CIAO3: variants seen among roughly 807,000 people sequenced by gnomAD.
The protein encoded by CIAO3 is LET1 like/JFP15.
A neutral mutation model predicts 51.5 loss-of-function variants in CIAO3; 45 were observed. That is an observed-to-expected ratio of 0.87 (90% CI 0.69 to 1.12). CIAO3 has a LOEUF of 1.12. Among genes scored for constraint, CIAO3 ranks in the 50% most tolerant of loss-of-function variants. The probability of loss-of-function intolerance (pLI) is 0.00; values close to 1 mark genes in which losing one functional copy is unlikely to be tolerated. For missense variants in CIAO3, 668 were observed against 632.5 expected, an observed-to-expected ratio of 1.06 and a Z score of -0.60; for synonymous variants, 314 against 269.3, an observed-to-expected ratio of 1.17 and a Z score of -1.63.
intron 6 of CIAO3, chr16:733,647 G>A (rs913315736): frequency 3.2e-6 from 2 of 615,724 alleles, no homozygotes; most frequent in African/African-American, 3.7e-5. Context: ...CAGTGTGCCT[G>A]CGCTCCCTAA....
At chr16:738,443 G>A (rs1460213855) in intron 2 of CIAO3, 1 of 560,896 alleles carries the variant, frequency 1.8e-6, no homozygotes, top group African/African-American at 2.1e-5. Context: ...CCGCCTCCCA[G>A]GCTCACGCCA....
At chr16:734,126 G>T in intron 6 of CIAO3, 103 bp downstream of exon 6, 1 of 1,027,932 alleles carries the variant, frequency 9.7e-7, no homozygotes, top group Non-Finnish European at 1.5e-6. Flanking sequence ...AGGCCGCACA[G>T]CACAGCGAGG....
rs202243971 is a variant in CIAO3, at chr16:730,615, C to A, written c.1233G>T (p.Arg411Ser). ...CGTGCTGGAGGAGCTCTCTGCTGGG[C>A]CTGTCTGGGGCCTGGAGCTGGCCCC... is the stretch of plus-strand genomic sequence containing the variant. Reference protein sequence around the residue: ...NGGGQLQAPDRPSRELLQHVE... With the variant: ...NGGGQLQAPDSPSRELLQHVE... Residue 411 changes from arginine to serine, a missense_variant, in exon 11 of 11, where the codon AGG (arginine) becomes AGT (serine). Arg to Ser is a moderately radical substitution (Grantham distance 110, BLOSUM62 -1). Coordinates refer to ENST00000251588, the MANE Select transcript of CIAO3 (RefSeq NM_022493.3). 137 of 1,610,378 alleles carry A rather than the reference C, an allele frequency of 8.5e-5. No homozygotes were observed. Among genetic ancestry groups the A allele is most frequent in the Non-Finnish European group, 1.7e-6 (2 of 1,179,914 alleles).
At chr16:731,961 T>C (rs1194099711) in intron 8 of CIAO3, 3 of 533,252 alleles carry the variant, frequency 5.6e-6, no homozygotes, top group East Asian at 6.6e-5. Context: ...CTCCGCCTCC[T>C]GGGTTCAAGC....
chr16:737,799 C>CG lies in CIAO3; in HGVS notation c.163-471dup. Reference sequence around the variant, plus strand: ...GCCTGGGAGCCTGGCCTCCGGTGGGCGGGGCAGAAACAACCGTCAGACTCG... The same window carrying CG: ...GCCTGGGAGCCTGGCCTCCGGTGGGCGGGGGCAGAAACAACCGTCAGACTCG... On this transcript the variant is annotated intron_variant, in intron 2 of 10. Transcript: ENST00000251588. This position sits in a 1 kb window ranked among gnomAD's most constrained non-coding sequence, Gnocchi z 5.3. The CG allele has an allele frequency of 3.3e-6, 4 of 1,200,942 alleles. No individual in the cohort carries two copies. Among genetic ancestry groups the CG allele is most frequent in the Non-Finnish European group, 4.2e-6 (4 of 946,574 alleles). The allele number at this position is 1,200,942 out of a possible 1,614,324, so 74.4% of individuals were successfully genotyped here.
chr16:733,804 G>A (rs1257527362), intron 6 of CIAO3: 4 of 365,194 alleles, frequency 1.1e-5, no homozygotes, highest in African/African-American at 6.3e-5. Flanking sequence ...AGGTGCCGCA[G>A]GGGACATGGG....
rs545329028 is a variant in CIAO3, at chr16:729,931, C to A, written c.*486G>T. On this transcript the variant is annotated 3_prime_UTR_variant, in exon 11 of 11. Coordinates refer to ENST00000251588, the MANE Select transcript of CIAO3 (RefSeq NM_022493.3). ...GCTTTCCAGGGGCCTGGCACCCCCC[C>A]CTGCCAGGGTCCACACGCAGGGTTG... is the stretch of plus-strand genomic sequence containing the variant. 10 of 350,130 alleles carry A rather than the reference C, an allele frequency of 2.9e-5. No individual in the cohort carries two copies. Among genetic ancestry groups the A allele is most frequent in the Admixed American group, 4.7e-5 (1 of 21,280 alleles). The allele number at this position is 350,130 out of a possible 1,614,324, so 21.7% of individuals were successfully genotyped here. A position where few individuals can be genotyped will look rare whatever the true frequency, so the allele number is the denominator to read the frequency against.
At chr16:736,953 C>T (rs535597224) in intron 3 of CIAO3, 30 of 557,672 alleles carry the variant, frequency 5.4e-5, no homozygotes, top group African/African-American at 3.6e-4. Context: ...CGTGAGCCCC[C>T]GCGCCCAGTA....
chr16:730,695 C>T (rs2041266104), intron 10 of CIAO3, 40 bp from the exon 11 acceptor site: 2 of 1,592,348 alleles, frequency 1.3e-6, no homozygotes, highest in Non-Finnish European at 1.7e-6. Flanking sequence ...CAGCCTGCGC[C>T]CCAGCCAAGC....
At chr16:734,160 G>C in intron 6 of CIAO3, 69 bp downstream of exon 6, 1 of 1,370,364 alleles carries the variant, frequency 7.3e-7, no homozygotes, top group Non-Finnish European at 1.0e-6. Flanking sequence ...CAGCCTCATG[G>C]CAAGAGGCCA....
intron 4 of CIAO3, 147 bp downstream of exon 4, chr16:736,119 C>T: frequency 9.7e-7 from 1 of 1,031,770 alleles, no homozygotes; most frequent in East Asian, 2.4e-5. Context: ...AAACTTCAGG[C>T]TGAGGTCACA....
intron 2 of CIAO3, chr16:738,060 G>A (rs2041356721): frequency 5.7e-6 from 6 of 1,058,202 alleles, no homozygotes; most frequent in Non-Finnish European, 6.9e-6. Flanking sequence ...TGCTAGGCCT[G>A]TGTATCACAA....
In CIAO3 at chr16:737,557, C is replaced by T. The variant is rs2041352076; in HGVS notation, c.163-228G>A. On this transcript the variant is annotated intron_variant, in intron 2 of 10. Transcript: ENST00000251588. The surrounding 1 kb of genome is among the most constrained non-coding windows in gnomAD (Gnocchi z 5.3). ...CTTGGTACCACTTGGTTAGTGCATC[C>T]GAATCACAGGACTAAGGCTTGCCAC... is the stretch of plus-strand genomic sequence containing the variant. 5.4e-6 allele frequency: 8 copies of T among 1,491,644 alleles called. No homozygotes were observed. Among genetic ancestry groups the T allele is most frequent in the African/African-American group, 1.4e-5 (1 of 72,170 alleles). The allele number at this position is 1,491,644 out of a possible 1,614,324, so 92.4% of individuals were successfully genotyped here.
intron 2 of CIAO3, 25 bp downstream of exon 2, chr16:739,618 G>A (rs10794640): frequency 0.21 from 341,723 of 1,604,706 alleles, 51,445 homozygotes; most frequent in East Asian, 0.77. Flanking sequence ...CAGGAGAGAT[G>A]GTGGAGCAGC....
At chr16:739,297 T>TCAAA (rs71890589) in intron 2 of CIAO3, 234 of 291,264 alleles carry the variant, frequency 8.0e-4, no homozygotes, top group Non-Finnish European at 9.9e-4. Flanking sequence ...AGACTCTGTA[T>TCAAA]CAAACAAACA....
At chr16:739,524 A>G in intron 2 of CIAO3, 119 bp downstream of exon 2, 1 of 1,036,270 alleles carries the variant, frequency 9.6e-7, no homozygotes, top group Non-Finnish European at 1.5e-6. Context: ...GACCAGTGGG[A>G]AAAGACTGGT....
At chr16:732,010 A>G (rs1038017138) in intron 8 of CIAO3, 2 of 523,090 alleles carry the variant, frequency 3.8e-6, no homozygotes, top group Non-Finnish European at 6.8e-6. Context: ...CTGGGATTAC[A>G]GGGCCTGGCA....
chr16:730,209 C>CCACCT lies in CIAO3; in HGVS notation c.*203_*207dup. 1 of 604,568 alleles carries CCACCT rather than the reference C, an allele frequency of 1.7e-6. No individual in the cohort carries two copies. Among genetic ancestry groups the CCACCT allele is most frequent in the Non-Finnish European group, 2.9e-6 (1 of 342,410 alleles). The allele number at this position is 604,568 out of a possible 1,614,324, so 37.5% of individuals were successfully genotyped here. A position where few individuals can be genotyped will look rare whatever the true frequency, so the allele number is the denominator to read the frequency against. On this transcript the variant is annotated 3_prime_UTR_variant, in exon 11 of 11. Coordinates refer to ENST00000251588, the MANE Select transcript of CIAO3 (RefSeq NM_022493.3). ...CTTCTGCTGCCTGGGCCACCCCACC[C>CCACCT]CACCTGGGCAGAGCCAGTGGGAACC...
At chr16:738,417 C>T (rs2041360103) in intron 2 of CIAO3, 8 of 756,750 alleles carry the variant, frequency 1.1e-5, no homozygotes, top group South Asian at 6.1e-5. Context: ...GGTGCGATCT[C>T]GGCTCACTGC....
Sources: gnomAD v4.1 joint callset for allele counts on GRCh38, gnomAD v4.1.1 for gene constraint, Gnocchi (gnomAD v3.1) non-coding constraint, MANE v1.5 for transcripts, NCBI Gene and HGNC (gene_info 2026-07-23, HGNC 2026-07-21) for gene names.